The following LRRC27 variants were observed in gnomAD, a reference collection of about 807,000 sequenced individuals.
LRRC27 encodes leucine rich repeat containing 27, also known as leucine-rich repeat-containing protein 27.
Under a neutral mutation model 55.0 loss-of-function variants are expected in LRRC27, and 57 were observed. The ratio of observed to expected loss-of-function variants is 1.04; its 90% confidence interval spans 0.84 to 1.29. The LOEUF is 1.29. Ranked by LOEUF, LRRC27 falls within the 50% of genes most tolerant of loss-of-function variation. The probability of loss-of-function intolerance (pLI) is 0.00; values close to 1 mark genes in which losing one functional copy is unlikely to be tolerated. For missense variants in LRRC27, 721 were observed against 651.5 expected, an observed-to-expected ratio of 1.11 and a Z score of -1.16; for synonymous variants, 278 against 251.9, an observed-to-expected ratio of 1.10 and a Z score of -0.98.
intron 8 of LRRC27, among the ~76,000 whole-genome samples, chr10:132,360,854 T>G (rs2068581127): frequency 6.6e-6 from 1 of 152,156 alleles, no homozygotes; most frequent in African/African-American, 2.4e-5. Context: ...TTTCTGACAG[T>G]CCCCGGGAAC....
At chr10:132,364,510 T>TCCACAC (rs1564853839) in intron 9 of LRRC27, among the ~76,000 whole-genome samples, 240 of 1,456 alleles carry the variant, frequency 0.16, 63 homozygotes, top group Admixed American at 0.24. Flanking sequence ...TACATCTACC[T>TCCACAC]CCACACTCGC....
rs771837888 is a variant in LRRC27, at chr10:132,333,559, T to C, written c.35T>C (p.Val12Ala). 1 of 1,610,430 alleles carries C rather than the reference T, an allele frequency of 6.2e-7. No individual in the cohort carries two copies. The highest frequency in any genetic ancestry group is 8.5e-7 in the Non-Finnish European group (1 of 1,178,858). The change falls in exon 2 of 11, where the codon GTG becomes GCG. Residue 12 changes from valine (V) to alanine (A), a missense_variant. Transcript: ENST00000368614. ...AGCAGCTCCTACGAAGTTCCCTCTG[T>C]GGCTGCTGCTGATCTGGAGGAGGGT... Reference protein sequence around the residue: ...EGSSSYEVPSVAAADLEEGAG... With the variant: ...EGSSSYEVPSAAAADLEEGAG...
chr10:132,346,202 G>A (rs1438001085), intron 5 of LRRC27, among the ~76,000 whole-genome samples: 5 of 152,182 alleles, frequency 3.3e-5, no homozygotes, highest in East Asian at 1.9e-4. Context: ...GATGGGGTGC[G>A]GGGTCCATCA....
At chr10:132,337,439 TG>T (rs2067189749) in intron 2 of LRRC27, 125 bp from the exon 3 acceptor site, 1 of 1,444,140 alleles carries the variant, frequency 6.9e-7, no homozygotes, top group Admixed American at 2.8e-5. Context: ...ATTGGGTTTT[TG>T]TTTTTTAACT....
At chr10:132,366,667 G>A in intron 10 of LRRC27, 1 of 229,666 alleles carries the variant, frequency 4.4e-6, no homozygotes, top group Non-Finnish European at 8.0e-6. Context: ...CTGGCTGGTG[G>A]CCTCTTCCAG....
intron 1 of LRRC27, among the ~76,000 whole-genome samples, chr10:132,333,197 T>C (rs541085433): frequency 5.9e-5 from 9 of 152,240 alleles, no homozygotes; most frequent in Non-Finnish European, 1.3e-4. Flanking sequence ...CCGATCTGTT[T>C]ACATCCCTAA....
rs996376881 is a variant in LRRC27, at chr10:132,374,244, G to T, written c.1417-822G>T. ...CCTGCTGTGATTATGTCTGTATGGGGCGGGGAGGCTGCAGGGGTCTCCTGG... is the reference window on the plus strand; with the variant it reads ...CCTGCTGTGATTATGTCTGTATGGGTCGGGGAGGCTGCAGGGGTCTCCTGG... On this transcript the variant is annotated intron_variant, in intron 10 of 10. Coordinates refer to ENST00000368614, the MANE Select transcript of LRRC27 (RefSeq NM_030626.3). The surrounding 1 kb of genome is among the most constrained non-coding windows in gnomAD (Gnocchi z 4.4). 6.6e-6 allele frequency among the ~76,000 whole-genome samples: 1 copy of T among 150,822 alleles called. No individual in the cohort carries two copies. Among genetic ancestry groups the T allele is most frequent in the East Asian group, 2.0e-4 (1 of 5,082 alleles).
intron 2 of LRRC27, among the ~76,000 whole-genome samples, chr10:132,336,410 A>G (rs2067135765): frequency 6.6e-6 from 1 of 152,242 alleles, no homozygotes; most frequent in African/African-American, 2.4e-5. Context: ...TGACTCGGGC[A>G]ATTTCCTAAC....
In LRRC27 at chr10:132,351,626, A is replaced by C; in HGVS notation, c.946A>C (p.Arg316=). The part of the protein sequence containing the change: ...HVFRRKTASS[R]SILPDLLSPY... ...TTTTAGAAGGAAGACAGCCTCCTCC[A>C]GGAGCATCTTACCCGACCTCTTGTC... is the stretch of plus-strand genomic sequence containing the variant. The change falls in exon 7 of 11, where the codon AGG becomes CGG. Residue 316 remains arginine (R), a synonymous_variant. Coordinates refer to ENST00000368614, the MANE Select transcript of LRRC27 (RefSeq NM_030626.3). 5.6e-6 allele frequency: 9 copies of C among 1,613,922 alleles called. No individual in the cohort carries two copies. The highest frequency in any genetic ancestry group is 7.6e-6 in the Non-Finnish European group (9 of 1,179,930).
intron 7 of LRRC27, 34 bp downstream of exon 7, chr10:132,351,787 C>G (rs2261222): frequency 0.75 from 1,188,309 of 1,575,302 alleles, 449,060 homozygotes; most frequent in East Asian, 0.85. Flanking sequence ...CCGCACAGCC[C>G]GCCCAGTGCA....
At chr10:132,354,815 C>T (rs543083146) in intron 7 of LRRC27, among the ~76,000 whole-genome samples, 3 of 152,240 alleles carry the variant, frequency 2.0e-5, no homozygotes, top group East Asian at 1.9e-4. Flanking sequence ...AAGAGGAGGC[C>T]GGATCTGGGG....
chr10:132,365,760 G>T (rs1455704285), intron 10 of LRRC27, among the ~76,000 whole-genome samples: 1 of 152,092 alleles, frequency 6.6e-6, no homozygotes, highest in Non-Finnish European at 1.5e-5. Flanking sequence ...CACCATGCCC[G>T]GCTAATTTTT....
At position 132,378,902 on chromosome 10, in the gene LRRC27, G is replaced by A. The variant is rs1411894564; in HGVS notation, c.*3660G>A. Reference sequence around the variant, plus strand: ...TCACCTCCGTGTTCTTGGGGAGTGCGTGGTGTCAGATCCCATCCTGCTCCT... The same window carrying A: ...TCACCTCCGTGTTCTTGGGGAGTGCATGGTGTCAGATCCCATCCTGCTCCT... On this transcript the variant is annotated 3_prime_UTR_variant, in exon 11 of 11. Coordinates refer to ENST00000368614, the MANE Select transcript of LRRC27 (RefSeq NM_030626.3). The A allele has an allele frequency of 1.3e-5, 2 of 154,340 alleles. No individual in the cohort carries two copies. Among genetic ancestry groups the A allele is most frequent in the African/African-American group, 2.4e-5 (1 of 41,346 alleles). 9.6% of individuals were successfully genotyped at this position (154,340 alleles called of 1,614,324 possible). A position where few individuals can be genotyped will look rare whatever the true frequency, so the allele number is the denominator to read the frequency against.
At position 132,381,152 on chromosome 10, in the gene LRRC27, A is replaced by C. The variant is rs2069406261; in HGVS notation, c.*5910A>C. On this transcript the variant is annotated 3_prime_UTR_variant, in exon 11 of 11. Transcript: ENST00000368614. ...ACCACAGTGTGGGCAGGCACCATCC[A>C]GTCGGCTGCCAGCATGGCTGGAAAA... 6.6e-6 allele frequency among the ~76,000 whole-genome samples: 1 copy of C among 152,264 alleles called. No individual in the cohort carries two copies. Among genetic ancestry groups the C allele is most frequent in the Admixed American group, 6.5e-5 (1 of 15,290 alleles).
At chr10:132,369,322 C>T (rs1444433050) in intron 10 of LRRC27, among the ~76,000 whole-genome samples, 3 of 152,236 alleles carry the variant, frequency 2.0e-5, no homozygotes, top group Admixed American at 2.0e-4. Context: ...TGCACACAGA[C>T]ATAGCAGCTT....
chr10:132,345,013 T>A (rs2067610321), intron 5 of LRRC27: 1 of 181,364 alleles, frequency 5.5e-6, no homozygotes, highest in Non-Finnish European at 1.2e-5. Context: ...AAATATTCCT[T>A]ATTCCTAACG....
chr10:132,367,344 C>T (rs1229386005), intron 10 of LRRC27, among the ~76,000 whole-genome samples: 1 of 152,218 alleles, frequency 6.6e-6, no homozygotes, highest in Non-Finnish European at 1.5e-5. Context: ...TATACCAATT[C>T]TCGATAATCT....
At chr10:132,362,098 G>A (rs1462174792) in intron 9 of LRRC27, among the ~76,000 whole-genome samples, 1 of 152,232 alleles carries the variant, frequency 6.6e-6, no homozygotes, top group Non-Finnish European at 1.5e-5. Flanking sequence ...AGGGGACTCA[G>A]GCAAAGTAGC....
chr10:132,364,487 TTACACCCAC>T (rs1564853699), intron 9 of LRRC27, among the ~76,000 whole-genome samples: 1 of 1,124 alleles, frequency 8.9e-4, no homozygotes, highest in African/African-American at 2.6e-3. Flanking sequence ...CCACCCACAC[TTACACCCAC>T]CCTTACATCT....
Sources: allele counts gnomAD v4.1 joint callset (sites outside exome capture counted in the v4.1 genomes callset), GRCh38; gene constraint gnomAD v4.1.1; non-coding constraint Gnocchi (gnomAD v3.1); transcripts MANE v1.5; gene names NCBI Gene and HGNC (gene_info 2026-07-23, HGNC 2026-07-21).